The following DSCAM variants were observed in gnomAD, a reference collection of about 807,000 sequenced individuals.
The protein encoded by DSCAM is DS cell adhesion molecule.
DSCAM carries 47 observed loss-of-function variants against 217.7 expected under a neutral mutation model. That is an observed-to-expected ratio of 0.22 (90% CI 0.17 to 0.28). DSCAM has a LOEUF of 0.28. Ranked by LOEUF, DSCAM falls within the 10% of genes least tolerant of loss-of-function variation. The pLI, the probability that DSCAM is intolerant of heterozygous loss-of-function variation, is 1.00. For missense variants in DSCAM, 2,080 were observed against 2,618.3 expected (o/e 0.79, Z 4.49); for synonymous variants, 1,056 against 1,015.3 (o/e 1.04, Z -0.76).
chr21:40,037,803 T>C (rs966777512), intron 32 of DSCAM, among the ~76,000 whole-genome samples: 16 of 141,850 alleles, frequency 1.1e-4, no homozygotes, highest in Admixed American at 2.1e-4. Flanking sequence ...AGCATGGTAC[T>C]GGTACCAAAA....
intron 1 of DSCAM, among the ~76,000 whole-genome samples, chr21:40,727,214 T>G (rs1026652288): frequency 4.6e-5 from 7 of 152,190 alleles, no homozygotes; most frequent in African/African-American, 1.4e-4. Flanking sequence ...TTTAGGAGTC[T>G]CAAACACGCA....
chr21:40,548,269 G>A (rs1356900893), intron 3 of DSCAM, among the ~76,000 whole-genome samples: 1 of 152,098 alleles, frequency 6.6e-6, no homozygotes, highest in Non-Finnish European at 1.5e-5. Context: ...TGAACATCAG[G>A]GCTGCCTTCA....
chr21:40,489,038 AG>A (rs2146006183), intron 3 of DSCAM, among the ~76,000 whole-genome samples: 1 of 152,328 alleles, frequency 6.6e-6, no homozygotes, highest in African/African-American at 2.4e-5. Context: ...ACAACACAAA[AG>A]TAATGCTATA....
chr21:40,538,876 TAC>T (rs1329503725), intron 3 of DSCAM, among the ~76,000 whole-genome samples: 1 of 152,126 alleles, frequency 6.6e-6, no homozygotes, highest in Non-Finnish European at 1.5e-5. Flanking sequence ...TGAAGGGCAA[TAC>T]CTAGTTCTCT....
intron 1 of DSCAM, among the ~76,000 whole-genome samples, chr21:40,797,874 T>G (rs564399867): frequency 1.1e-4 from 16 of 152,178 alleles, no homozygotes; most frequent in Non-Finnish European, 2.2e-4. Context: ...TTTATGTTGT[T>G]AATAGTGGGG....
intron 1 of DSCAM, among the ~76,000 whole-genome samples, chr21:40,745,807 T>A (rs1296239989): frequency 6.6e-6 from 1 of 152,100 alleles, no homozygotes; most frequent in African/African-American, 2.4e-5. Context: ...ATCTTAAGTA[T>A]GAAGACTAAA....
chr21:40,426,653 A>G lies in DSCAM; in HGVS notation c.509-57408T>C, dbSNP rs73359155. On this transcript the variant is annotated intron_variant, in intron 3 of 32. Transcript: ENST00000400454. The stretch of plus-strand genomic sequence containing the variant: ...GAGTACTATGACATGAGAGATGAAG[A>G]AAAGTACAAGATACTTTCCCAGAGG... Among the ~76,000 whole-genome samples the G allele has an allele frequency of 7.7e-3, 1,171 of 152,342 alleles. 12 individuals carry two copies. Among genetic ancestry groups the G allele is most frequent in the African/African-American group, 0.026 (1,100 of 41,566 alleles).
chr21:40,163,782 G>T (rs1198492616), intron 16 of DSCAM, among the ~76,000 whole-genome samples: 3 of 152,082 alleles, frequency 2.0e-5, no homozygotes, highest in African/African-American at 7.2e-5. Context: ...ACTGAGTGTG[G>T]TTCACATCTT....
chr21:40,642,502 C>T (rs2089895161), intron 3 of DSCAM, among the ~76,000 whole-genome samples: 1 of 152,180 alleles, frequency 6.6e-6, no homozygotes, highest in African/African-American at 2.4e-5. Context: ...CCCCCAGTTA[C>T]AGGAGTTTTT....
At chr21:40,832,307 G>A (rs181805810) in intron 1 of DSCAM, among the ~76,000 whole-genome samples, 1 of 152,264 alleles carries the variant, frequency 6.6e-6, no homozygotes. Flanking sequence ...CATAACGAGT[G>A]CGAATCAAAT....
At chr21:40,093,004 A>C (rs1453851777) in intron 21 of DSCAM, among the ~76,000 whole-genome samples, 1 of 152,220 alleles carries the variant, frequency 6.6e-6, no homozygotes, top group Admixed American at 6.5e-5. Flanking sequence ...ATCAGAGAAC[A>C]TATTAGTAAT....
At chr21:40,841,209 T>C (rs2092098352) in intron 1 of DSCAM, among the ~76,000 whole-genome samples, 1 of 152,188 alleles carries the variant, frequency 6.6e-6, no homozygotes, top group Non-Finnish European at 1.5e-5. Context: ...TCAGAAGCTG[T>C]CTGACCTCTG....
intron 4 of DSCAM, among the ~76,000 whole-genome samples, chr21:40,361,866 T>C (rs2074770294): frequency 6.6e-6 from 1 of 152,204 alleles, no homozygotes; most frequent in South Asian, 2.1e-4. Flanking sequence ...CATGCAGTTG[T>C]TACATCTCTT....
chr21:40,188,919 T>C lies in DSCAM; in HGVS notation c.2553+123A>G, dbSNP rs1278109153. ...CTCGCTGTGTGAAAGGGGAGAGAAA[T>C]AGTGCTTCGTAAATAAATTCCGAAA... On this transcript the variant is annotated intron_variant, in intron 12 of 32. Coordinates refer to ENST00000400454, the MANE Select transcript of DSCAM (RefSeq NM_001389.5). 6 of 970,736 alleles carry C rather than the reference T, an allele frequency of 6.2e-6. No homozygotes were observed. In the East Asian group the frequency reaches 7.3e-5, roughly 12 times the overall value. 60.1% of individuals were successfully genotyped at this position (970,736 alleles called of 1,614,324 possible).
intron 11 of DSCAM, among the ~76,000 whole-genome samples, chr21:40,275,544 C>T (rs983716614): frequency 5.9e-5 from 9 of 152,136 alleles, no homozygotes; most frequent in South Asian, 2.1e-4. Flanking sequence ...TTCATTATAA[C>T]GCACCTTTTT....
rs73371751 is a variant in DSCAM at position 40,317,857 on chromosome 21, T to C, written c.1784-5498A>G. 5.0e-3 allele frequency among the ~76,000 whole-genome samples: 764 copies of C among 152,278 alleles called. 5 individuals carry two copies. The highest frequency in any genetic ancestry group is 0.018 in the African/African-American group (731 of 41,560). ...TGTCTTGTTCATTTTGATTGAATAA[T>C]GTTTTTTAGAAAAAAACTTTCAGAG... On this transcript the variant is annotated intron_variant, in intron 8 of 32. Coordinates refer to ENST00000400454, the MANE Select transcript of DSCAM (RefSeq NM_001389.5).
intron 5 of DSCAM, among the ~76,000 whole-genome samples, chr21:40,350,350 C>T (rs904471393): frequency 6.6e-6 from 1 of 152,082 alleles, no homozygotes; most frequent in Non-Finnish European, 1.5e-5. Context: ...AATGAACAGG[C>T]AACCTACAGA....
At chr21:40,745,402 G>T (rs1175179031) in intron 1 of DSCAM, among the ~76,000 whole-genome samples, 1 of 152,160 alleles carries the variant, frequency 6.6e-6, no homozygotes, top group Non-Finnish European at 1.5e-5. Flanking sequence ...ACTCAAAGCA[G>T]CAAGAGAAAG....
intron 3 of DSCAM, among the ~76,000 whole-genome samples, chr21:40,636,483 C>A (rs563121918): frequency 4.3e-4 from 65 of 152,150 alleles, no homozygotes; most frequent in African/African-American, 1.6e-3. Flanking sequence ...TGATCATCAC[C>A]AAGTCCTTTC....
Sources: allele counts gnomAD v4.1 joint callset (sites outside exome capture counted in the v4.1 genomes callset), GRCh38; gene constraint gnomAD v4.1.1; transcripts MANE v1.5; gene names NCBI Gene and HGNC (gene_info 2026-07-23, HGNC 2026-07-21).